The following KCNH6 variants were observed in gnomAD, a reference collection of about 807,000 sequenced individuals.
KCNH6 encodes voltage-gated inwardly rectifying potassium channel KCNH6.
Under a neutral mutation model 83.4 loss-of-function variants are expected in KCNH6, and 81 were observed. The observed-to-expected ratio is 0.97, with a 90% CI of 0.81 to 1.17. The LOEUF (loss-of-function observed/expected upper bound fraction) is 1.17, where lower values mean the gene tolerates loss of function less well. Ranked by LOEUF, KCNH6 falls within the 50% of genes most tolerant of loss-of-function variation. KCNH6 has a pLI of 0.00. For synonymous variants in KCNH6, 503 were observed against 545.6 expected, an observed-to-expected ratio of 0.92 and a Z score of 1.09; for missense variants, 1,203 against 1,290.5, an observed-to-expected ratio of 0.93 and a Z score of 1.04.
At chr17:63,547,718 G>A (rs1215923202), downstream of KCNH6, among the ~76,000 whole-genome samples, 3 of 152,156 alleles carry the variant, frequency 2.0e-5, no homozygotes, top group Non-Finnish European at 4.4e-5. Context: ...GGGAGGCTGA[G>A]GCTGGAAGAT....
rs1271700988 is a variant in KCNH6 at position 63,523,396 on chromosome 17, A to T, written c.-18A>T. On this transcript the variant is annotated 5_prime_UTR_variant, in exon 1 of 13. Transcript: ENST00000314672. This position sits in a 1 kb window ranked among gnomAD's most constrained non-coding sequence, Gnocchi z 4.2. The stretch of plus-strand genomic sequence containing the variant: ...GCCAGTGGCGCCTGTGGCTCCGGGC[A>T]GGGGCCGCGGCCGAAAGATGCCGGT... The T allele has an allele frequency of 6.3e-7, 1 of 1,584,754 alleles. No homozygotes were observed. Among genetic ancestry groups the T allele is most frequent in the Admixed American group, 1.7e-5 (1 of 57,662 alleles).
intron 11 of KCNH6, 71 bp downstream of exon 11, chr17:63,544,482 GGGTGCCA>G (rs2033048354): frequency 7.3e-7 from 1 of 1,368,400 alleles, no homozygotes; most frequent in Non-Finnish European, 9.6e-7. Context: ...ACACATCACA[GGGTGCCA>G]GGTGGGTTTT....
At chr17:63,547,729 T>A (rs1051846530), downstream of KCNH6, among the ~76,000 whole-genome samples, 1 of 150,304 alleles carries the variant, frequency 6.7e-6, no homozygotes, top group Middle Eastern at 3.8e-3. Flanking sequence ...GCTGGAAGAT[T>A]GCTTGAGCCA....
intron 2 of KCNH6, among the ~76,000 whole-genome samples, chr17:63,526,335 A>G (rs1266793014): frequency 6.6e-6 from 1 of 150,478 alleles, no homozygotes; most frequent in Non-Finnish European, 1.5e-5. Context: ...AGGGAAGGAT[A>G]TTGTGCTCAG....
rs201877711 is a variant in KCNH6 at position 63,542,479 on chromosome 17, C to T, written c.2148+45C>T. 4.1e-5 allele frequency: 64 copies of T among 1,569,700 alleles called. No homozygotes were observed. The African/African-American group carries it at 7.8e-4, about 19-fold the overall frequency. ...GCCAGGGTGGGTGGAAATGCCCAGG[C>T]AGCCTGCCTGGCCTGAGGGCACCCA... On this transcript the variant is annotated intron_variant, in intron 9 of 12. Coordinates refer to ENST00000314672, the MANE Select transcript of KCNH6 (RefSeq NM_001278919.2).
rs2032455890 is a variant in KCNH6, at chr17:63,535,839, T to C, written c.1272T>C (p.Asn424=). The change falls in exon 6 of 13, where the codon AAT becomes AAC. Residue 424 remains asparagine, a synonymous_variant. Transcript: ENST00000314672. The surrounding 1 kb of genome is among the most constrained non-coding windows in gnomAD (Gnocchi z 4.9). The part of the protein sequence containing the change: ...WLACIWYAIG[N]VERPYLEHKI... ...CCTGCATCTGGTACGCCATCGGCAA[T>C]GTGGAGCGGCCCTACCTAGAACACA... The C allele has an allele frequency of 1.9e-6, 3 of 1,614,066 alleles. No individual in the cohort carries two copies. Among genetic ancestry groups the C allele is most frequent in the Non-Finnish European group, 1.7e-6 (2 of 1,180,038 alleles).
In KCNH6 at chr17:63,530,543, G is replaced by A; in HGVS notation, c.675+1G>A. ...GAACGTCACTGAGAAGGTCACCCAG[G>A]TGCGGGCCTGCAGAGCAGGGTGTGC... On this transcript the variant is annotated splice_donor_variant, in intron 4 of 12. Coordinates refer to ENST00000314672, the MANE Select transcript of KCNH6 (RefSeq NM_001278919.2). LOFTEE classifies it high-confidence loss of function. 6.2e-7 allele frequency: 1 copy of A among 1,613,892 alleles called. No homozygotes were observed. The highest frequency in any genetic ancestry group is 8.5e-7 in the Non-Finnish European group (1 of 1,179,968).
At chr17:63,530,635 C>T (rs1258804518) in intron 4 of KCNH6, 93 bp downstream of exon 4, 5 of 1,116,236 alleles carry the variant, frequency 4.5e-6, no homozygotes, top group Non-Finnish European at 6.6e-6. Context: ...GGGCCTTGGC[C>T]GATAAAGAGA....
downstream of KCNH6, among the ~76,000 whole-genome samples, chr17:63,547,464 A>AAAAGGG (rs2033171049): frequency 6.6e-6 from 1 of 152,300 alleles, no homozygotes; most frequent in Non-Finnish European, 1.5e-5. Context: ...ACCCATTTCT[A>AAAAGGG]CCCAAATAGC....
chr17:63,537,804 T>TTGCC (rs1342937474), intron 6 of KCNH6, among the ~76,000 whole-genome samples: 1 of 152,198 alleles, frequency 6.6e-6, no homozygotes, highest in East Asian at 1.9e-4. Context: ...TAAAAATCCA[T>TTGCC]TGCCTTCCTT....
In KCNH6 at chr17:63,538,019, G is replaced by A. The variant is rs2032608328; in HGVS notation, c.1502-46G>A. On this transcript the variant is annotated intron_variant, in intron 6 of 12. Coordinates refer to ENST00000314672, the MANE Select transcript of KCNH6 (RefSeq NM_001278919.2). The surrounding 1 kb of genome is among the most constrained non-coding windows in gnomAD (Gnocchi z 4.0). The stretch of plus-strand genomic sequence containing the variant: ...GACCTGGGTAAGCCCTTGGTGGTGT[G>A]GCCCAGTGGGGCCGCGGAGGAGCTC... The A allele has an allele frequency of 4.4e-6, 7 of 1,581,012 alleles. No homozygotes were observed. The East Asian group carries it at 1.6e-4, about 36-fold the overall frequency.
At chr17:63,527,016 G>A (rs1451218641) in intron 2 of KCNH6, among the ~76,000 whole-genome samples, 3 of 152,110 alleles carry the variant, frequency 2.0e-5, no homozygotes, top group Non-Finnish European at 4.4e-5. Flanking sequence ...GAAGAAAGGA[G>A]AGCACTCAGA....
chr17:63,541,286 C>CTTTT (rs58311051), intron 8 of KCNH6, among the ~76,000 whole-genome samples: 9 of 108,840 alleles, frequency 8.3e-5, no homozygotes, highest in South Asian at 3.1e-4. Context: ...GTGCCTCTTG[C>CTTTT]TTTTTTTTTT....
Position 63,524,124 on chromosome 17 carries a change from C to T in KCNH6, c.77-15C>T, listed in dbSNP as rs1378148411. The stretch of plus-strand genomic sequence containing the variant: ...TGGCTCCCATGGACTTTTTGCCTCC[C>T]ACCTCCCACCCCAGGTCGGAAGTTC... On this transcript the variant is annotated splice_polypyrimidine_tract_variant and intron_variant, in intron 1 of 12. Coordinates refer to ENST00000314672, the MANE Select transcript of KCNH6 (RefSeq NM_001278919.2). 1.9e-6 allele frequency: 3 copies of T among 1,597,816 alleles called. No homozygotes were observed. The highest frequency in any genetic ancestry group is 2.6e-6 in the Non-Finnish European group (3 of 1,165,366).
chr17:63,540,626 G>T (rs901138921), intron 8 of KCNH6, among the ~76,000 whole-genome samples: 27 of 152,180 alleles, frequency 1.8e-4, no homozygotes, highest in African/African-American at 6.3e-4. Flanking sequence ...AAGCTTCAGG[G>T]TTTCATGTGT....
chr17:63,547,980 AAGTGGCTGGGCGC>A (rs2033180736), downstream of KCNH6, among the ~76,000 whole-genome samples: 1 of 149,026 alleles, frequency 6.7e-6, no homozygotes, highest in African/African-American at 2.5e-5. Context: ...AAAAAAAAAA[AAGTGGCTGGGCGC>A]AGTGGCTCAC....
At chr17:63,541,540 C>A (rs1215457611) in intron 8 of KCNH6, among the ~76,000 whole-genome samples, 1 of 152,074 alleles carries the variant, frequency 6.6e-6, no homozygotes, top group African/African-American at 2.4e-5. Flanking sequence ...TAATCCACTA[C>A]CCTCAGCCTC....
rs2032281671 is a variant in KCNH6 at position 63,533,853 on chromosome 17, C to T, written c.676-33C>T. ...GCCAGTCTCACCAGCAGTGGCTGCCCCGTGCCTGACCTCCCTCGGCCCCCA... is the reference window on the plus strand; with the variant it reads ...GCCAGTCTCACCAGCAGTGGCTGCCTCGTGCCTGACCTCCCTCGGCCCCCA... On this transcript the variant is annotated intron_variant, in intron 4 of 12. Coordinates refer to ENST00000314672, the MANE Select transcript of KCNH6 (RefSeq NM_001278919.2). The surrounding 1 kb of genome is among the most constrained non-coding windows in gnomAD (Gnocchi z 4.1). The T allele has an allele frequency of 6.3e-7, 1 of 1,590,044 alleles. No individual in the cohort carries two copies. Among genetic ancestry groups the T allele is most frequent in the Admixed American group, 1.7e-5 (1 of 59,232 alleles).
At position 63,538,379 on chromosome 17, in the gene KCNH6, G is replaced by GT; in HGVS notation, c.1702-30dup. 1 of 1,587,526 alleles carries GT rather than the reference G, an allele frequency of 6.3e-7. No individual in the cohort carries two copies. The highest frequency in any genetic ancestry group is 8.6e-7 in the Non-Finnish European group (1 of 1,167,734). On this transcript the variant is annotated intron_variant, in intron 7 of 12. Coordinates refer to ENST00000314672, the MANE Select transcript of KCNH6 (RefSeq NM_001278919.2). This position sits in a 1 kb window ranked among gnomAD's most constrained non-coding sequence, Gnocchi z 4.0. ...TCTCCCCCAGCCCCACCCCGGCCGCGTCCCGCTGGACTTGGCCGCCCGCCT... is the reference window on the plus strand; with the variant it reads ...TCTCCCCCAGCCCCACCCCGGCCGCGTTCCCGCTGGACTTGGCCGCCCGCCT...
Sources: gnomAD v4.1 joint callset for allele counts (sites outside exome capture counted in the v4.1 genomes callset) on GRCh38, gnomAD v4.1.1 for gene constraint, Gnocchi (gnomAD v3.1) non-coding constraint, MANE v1.5 for transcripts, NCBI Gene and HGNC (gene_info 2026-07-23, HGNC 2026-07-21) for gene names.